Variants in CLTC observed in about 807,000 individuals in gnomAD.
The protein encoded by CLTC is clathrin heavy chain 1.
In CLTC, 16 loss-of-function variants were observed where a neutral mutation model predicts 195.8. The ratio of observed to expected loss-of-function variants is 0.08; its 90% CI spans 0.06 to 0.12. CLTC has a LOEUF of 0.12. Ranked by LOEUF, CLTC falls within the 10% of genes least tolerant of loss-of-function variation. The pLI is 1.00. For synonymous variants in CLTC, 667 were observed against 689.4 expected (o/e 0.97, Z 0.51); for missense variants, 796 against 2,027.0 (o/e 0.39, Z 11.66).
chr17:59,624,805 A>G (rs149102385), intron 1 of CLTC, among the ~76,000 whole-genome samples: 112 of 152,014 alleles, frequency 7.4e-4, no homozygotes, highest in African/African-American at 2.6e-3. Flanking sequence ...TAGCAGCCAT[A>G]TTAAAAGTGA....
intron 31 of CLTC, among the ~76,000 whole-genome samples, chr17:59,691,822 T>C (rs536500324): frequency 6.6e-6 from 1 of 151,848 alleles, no homozygotes; most frequent in South Asian, 2.1e-4. Flanking sequence ...ATGTTTGACA[T>C]GTTTGAGATA....
At position 59,685,416 on chromosome 17, in the gene CLTC, A is replaced by T. The variant is rs540760380; in HGVS notation, c.4606-171A>T. Among the ~76,000 whole-genome samples the T allele has an allele frequency of 5.3e-5, 8 of 152,288 alleles. No homozygotes were observed. The South Asian group carries it at 6.2e-4, about 12-fold the overall frequency. On this transcript the variant is annotated intron_variant, in intron 29 of 31. Coordinates refer to ENST00000269122, the MANE Select transcript of CLTC (RefSeq NM_004859.4). This position sits in a 1 kb window ranked among gnomAD's most constrained non-coding sequence, Gnocchi z 5.0. ...GGTCAAACTTGTCTGGGGAAAAAAA[A>T]GCTTTTAGCTTATCTCTTCTTTGAA... is the stretch of plus-strand genomic sequence containing the variant.
chr17:59,683,296 T>G lies in CLTC; in HGVS notation c.4041+34T>G, dbSNP rs775704222. The stretch of plus-strand genomic sequence containing the variant: ...TCATTGTAACACAGTGAAGCAACTG[T>G]GTAGTTAAAACTAATGCTTCAAAAT... On this transcript the variant is annotated intron_variant, in intron 25 of 31. Transcript: ENST00000269122. This position sits in a 1 kb window ranked among gnomAD's most constrained non-coding sequence, Gnocchi z 6.1. 1.9e-6 allele frequency: 3 copies of G among 1,608,870 alleles called. No homozygotes were observed. The Admixed American group carries it at 5.1e-5, about 27-fold the overall frequency.
intron 1 of CLTC, among the ~76,000 whole-genome samples, chr17:59,632,410 A>T (rs558068380): frequency 3.6e-4 from 54 of 152,070 alleles, no homozygotes; most frequent in African/African-American, 1.3e-3. Context: ...AATAATTGGA[A>T]TGGAAGCTCT....
In CLTC at chr17:59,620,785, A is replaced by G. The variant is rs183395006; in HGVS notation, c.42+612A>G. ...GTAGGGACAGAAGGTCACTGAAAGA[A>G]CGGAACGAGGGTAGAATGGGAGAAC... On this transcript the variant is annotated intron_variant, in intron 1 of 31. Coordinates refer to ENST00000269122, the MANE Select transcript of CLTC (RefSeq NM_004859.4). Among the ~76,000 whole-genome samples the G allele has an allele frequency of 4.5e-3, 686 of 152,258 alleles. 6 individuals are homozygous for G. Among genetic ancestry groups the G allele is most frequent in the African/African-American group, 0.016 (653 of 41,538 alleles).
chr17:59,633,549 C>G (rs1398027633), intron 1 of CLTC, among the ~76,000 whole-genome samples: 1 of 152,094 alleles, frequency 6.6e-6, no homozygotes, highest in Non-Finnish European at 1.5e-5. Flanking sequence ...TGGTTCTAGT[C>G]TTATAACTTG....
chr17:59,678,216 C>T (rs755115042), intron 17 of CLTC, among the ~76,000 whole-genome samples: 3 of 152,296 alleles, frequency 2.0e-5, no homozygotes, highest in East Asian at 1.9e-4. Flanking sequence ...TCCGGAAGCA[C>T]GCAGTGTTCA....
chr17:59,621,175 T>C (rs2031366147), intron 1 of CLTC, among the ~76,000 whole-genome samples: 1 of 152,252 alleles, frequency 6.6e-6, no homozygotes, highest in African/African-American at 2.4e-5. Context: ...AACATGCCAG[T>C]GGCGGGCCTA....
At chr17:59,649,338 C>G (rs2032272252) in intron 4 of CLTC, among the ~76,000 whole-genome samples, 1 of 152,202 alleles carries the variant, frequency 6.6e-6, no homozygotes, top group Non-Finnish European at 1.5e-5. Flanking sequence ...TTCGATTTGA[C>G]TACTATTTCC....
chr17:59,638,886 C>G (rs764205952), intron 1 of CLTC, among the ~76,000 whole-genome samples: 1 of 152,116 alleles, frequency 6.6e-6, no homozygotes, highest in Non-Finnish European at 1.5e-5. Context: ...CAGAATCCTA[C>G]CTTTTACTCC....
At chr17:59,656,324 G>A (rs1033000799) in intron 6 of CLTC, 1 of 196,680 alleles carries the variant, frequency 5.1e-6, no homozygotes. Flanking sequence ...ATCTAGGACT[G>A]TATAGATGCA....
chr17:59,624,537 C>T (rs574605196), intron 1 of CLTC, among the ~76,000 whole-genome samples: 4 of 140,782 alleles, frequency 2.8e-5, no homozygotes, highest in Admixed American at 1.5e-4. Context: ...GGTGCGATCT[C>T]GGCTCACAGC....
At chr17:59,665,186 T>C (rs958050047) in intron 10 of CLTC, among the ~76,000 whole-genome samples, 11 of 151,068 alleles carry the variant, frequency 7.3e-5, no homozygotes, top group Admixed American at 6.0e-4. Flanking sequence ...GATCGTGCCA[T>C]TGGACTCCAA....
At chr17:59,621,672 A>G (rs1010540415) in intron 1 of CLTC, among the ~76,000 whole-genome samples, 8 of 152,256 alleles carry the variant, frequency 5.3e-5, no homozygotes, top group African/African-American at 1.9e-4. Context: ...TAATTTTCAA[A>G]TAACTCATCT....
intron 1 of CLTC, among the ~76,000 whole-genome samples, chr17:59,627,514 C>A (rs1340464146): frequency 6.6e-6 from 1 of 152,096 alleles, no homozygotes; most frequent in African/African-American, 2.4e-5. Context: ...TGGTCTGTAT[C>A]ATTTGAATTG....
At position 59,644,134 on chromosome 17, in the gene CLTC, G is replaced by A. The variant is rs2032121712; in HGVS notation, c.43-142G>A. ...AAGGTCCAATACTTGGCTATTAATA[G>A]TCTCTCTTTAATTAACATAATGTAG... On this transcript the variant is annotated intron_variant, in intron 1 of 31. Coordinates refer to ENST00000269122, the MANE Select transcript of CLTC (RefSeq NM_004859.4). The A allele has an allele frequency of 4.6e-6, 3 of 653,086 alleles. No individual in the cohort carries two copies. In the South Asian group the frequency reaches 6.0e-5, roughly 13 times the overall value. The allele number at this position is 653,086 out of a possible 1,614,324, so 40.5% of individuals were successfully genotyped here.
rs184919179 is a variant in CLTC, at chr17:59,695,171, T to C, written c.*1319T>C. 25 of 200,950 alleles carry C rather than the reference T, an allele frequency of 1.2e-4. No individual in the cohort carries two copies. The highest frequency in any genetic ancestry group is 1.6e-3 in the Middle Eastern group (1 of 608). 12.4% of individuals were successfully genotyped at this position (200,950 alleles called of 1,614,324 possible). On this transcript the variant is annotated 3_prime_UTR_variant, in exon 32 of 32. Transcript: ENST00000269122. ...GGTGCCCAAATTATGGGTATCTTGA[T>C]TTTTTTCAAAAATTGGTTGTGTGAA...
intron 1 of CLTC, among the ~76,000 whole-genome samples, chr17:59,632,983 A>G (rs1273205597): frequency 6.6e-6 from 1 of 152,236 alleles, no homozygotes; most frequent in Non-Finnish European, 1.5e-5. Flanking sequence ...AAGTTGCTAA[A>G]TAATGGATGC....
rs575272254 is a variant in CLTC at position 59,648,592 on chromosome 17, C to A, written c.681+191C>A. The A allele has an allele frequency of 9.0e-6, 5 of 553,358 alleles. No individual in the cohort carries two copies. Among genetic ancestry groups the A allele is most frequent in the Non-Finnish European group, 1.6e-5 (5 of 313,476 alleles). 34.3% of individuals were successfully genotyped at this position (553,358 alleles called of 1,614,324 possible). ...TAAAATGAATAATGTTCTTTCACAA[C>A]TCGTTCTGTTGGCTGTTTATATTCT... On this transcript the variant is annotated intron_variant, in intron 4 of 31. Coordinates refer to ENST00000269122, the MANE Select transcript of CLTC (RefSeq NM_004859.4). This position sits in a 1 kb window ranked among gnomAD's most constrained non-coding sequence, Gnocchi z 4.5.
Sources: gnomAD v4.1 joint callset for allele counts (sites outside exome capture counted in the v4.1 genomes callset) on GRCh38, gnomAD v4.1.1 for gene constraint, Gnocchi (gnomAD v3.1) non-coding constraint, MANE v1.5 for transcripts, NCBI Gene and HGNC (gene_info 2026-07-23, HGNC 2026-07-21) for gene names.